The following PDE6A variants were observed in gnomAD, a reference collection of about 807,000 sequenced individuals.
The protein encoded by PDE6A is phosphodiesterase 6A, also known as rod cGMP-specific 3',5'-cyclic phosphodiesterase subunit alpha.
A neutral mutation model predicts 106.3 loss-of-function variants in PDE6A; 84 were observed. The ratio of observed to expected loss-of-function variants is 0.79; its 90% confidence interval spans 0.66 to 0.95. The LOEUF (loss-of-function observed/expected upper bound fraction) is 0.95. PDE6A is among the 40% of genes least tolerant of loss of function. The pLI is 0.00. For missense variants in PDE6A, 1,052 were observed against 1,084.9 expected, an observed-to-expected ratio of 0.97 and a Z score of 0.43; for synonymous variants, 394 against 386.6, an observed-to-expected ratio of 1.02 and a Z score of -0.23.
chr5:149,867,240 C>T lies in PDE6A; in HGVS notation c.2274+485G>A, dbSNP rs77076712. ...TGCTCTTCCGATCTCCCCAACTGCG[C>T]ATCTCCATGGGAAGCTGGCTGACTG... On this transcript the variant is annotated intron_variant, in intron 19 of 21. Transcript: ENST00000255266. The T allele has an allele frequency of 2.8e-3, 600 of 215,698 alleles. 4 individuals carry two copies. Among genetic ancestry groups the T allele is most frequent in the African/African-American group, 0.013 (575 of 44,084 alleles). 13.4% of individuals were successfully genotyped at this position (215,698 alleles called of 1,614,324 possible).
rs200568837 is a variant in PDE6A at position 149,896,801 on chromosome 5, G to GA, written c.1408-26dup. ...TCTGCCAGGACCCAAAATGGCAGGGGAAAAAAAATAGGTTACAACATGCCT... is the reference window on the plus strand; with the variant it reads ...TCTGCCAGGACCCAAAATGGCAGGGGAAAAAAAAATAGGTTACAACATGCCT... On this transcript the variant is annotated intron_variant, in intron 10 of 21. Transcript: ENST00000255266. The GA allele has an allele frequency of 3.1e-4, 492 of 1,609,594 alleles. No homozygotes were observed. The African/African-American group carries it at 5.5e-3, about 18-fold the overall frequency.
Position 149,931,144 on chromosome 5 carries a change from C to T in PDE6A, c.742G>A (p.Val248Ile), listed in dbSNP as rs982107290. 6.8e-6 allele frequency: 11 copies of T among 1,614,142 alleles called. No individual in the cohort carries two copies. The highest frequency in any genetic ancestry group is 9.3e-6 in the Non-Finnish European group (11 of 1,180,020). Residue 248 changes from valine (V) to isoleucine (I), a missense_variant, in exon 4 of 22, where the codon GTC becomes ATC. By Grantham distance (29) the Val-to-Ile change is conservative (BLOSUM62 3). Around this residue, in one of 3 missense-constraint regions of PDE6A, gnomAD observed 913 missense variants for 915.2 expected, o/e 1.00. Coordinates refer to ENST00000255266, the MANE Select transcript of PDE6A (RefSeq NM_000440.3). ...TCGATGTCCGTAAGTTCTTCAAAGA[C>T]TTTGCTCCCAGACCACAGCAGTATC... ...GQILLWSGSK[V>I]FEELTDIERQ...
intron 4 of PDE6A, among the ~76,000 whole-genome samples, chr5:149,929,785 G>A (rs71586147): frequency 1.2e-3 from 177 of 152,104 alleles, no homozygotes; most frequent in Non-Finnish European, 2.0e-3. Flanking sequence ...AAGGTATGAA[G>A]GAGGCTGCTG....
chr5:149,934,436 G>T, intron 2 of PDE6A, 130 bp downstream of exon 2: 1 of 887,288 alleles, frequency 1.1e-6, no homozygotes, highest in Non-Finnish European at 1.9e-6. Context: ...CTCCCTCAGA[G>T]AACATCAGGT....
intron 9 of PDE6A, 54 bp downstream of exon 9, chr5:149,899,321 C>A (rs1752876591): frequency 6.3e-7 from 1 of 1,595,588 alleles, no homozygotes; most frequent in Non-Finnish European, 8.6e-7. Context: ...CCCAGCCTCC[C>A]CCAGCAAGCT....
At chr5:149,865,239 CAAAA>C (rs368494356) in intron 20 of PDE6A, among the ~76,000 whole-genome samples, 7 of 105,554 alleles carry the variant, frequency 6.6e-5, no homozygotes, top group African/African-American at 2.4e-4. Context: ...GATTCTGTCT[CAAAA>C]AAAAAAAAAA....
At position 149,895,193 on chromosome 5, in the gene PDE6A, G is replaced by A; in HGVS notation, c.1718C>T (p.Ser573Phe). Reference protein sequence around the residue: ...HGFNVGQTMFSLLVTGKLKRY... With the variant: ...HGFNVGQTMFFLLVTGKLKRY... ...CCGGCCCCGCCATACCACCAGCAGG[G>A]AGAACATGGTCTGCCCCACGTTGAA... Residue 573 changes from serine to phenylalanine, a missense_variant, in exon 13 of 22, where the codon TCC becomes TTC. By Grantham distance (155) the Ser-to-Phe change is radical. This residue lies in a region of PDE6A where 913 missense variants were observed against 915.2 expected (regional missense o/e 1.00). Transcript: ENST00000255266. 1.2e-6 allele frequency: 2 copies of A among 1,612,350 alleles called. No individual in the cohort carries two copies. Among genetic ancestry groups the A allele is most frequent in the African/African-American group, 1.3e-5 (1 of 75,010 alleles).
intron 7 of PDE6A, among the ~76,000 whole-genome samples, chr5:149,904,435 T>G (rs1359892612): frequency 6.6e-6 from 1 of 152,180 alleles, no homozygotes; most frequent in East Asian, 1.9e-4. Flanking sequence ...GACACTTATC[T>G]GATCTCCCCA....
intron 4 of PDE6A, among the ~76,000 whole-genome samples, chr5:149,923,963 T>A (rs1013647128): frequency 1.3e-5 from 2 of 152,190 alleles, no homozygotes; most frequent in African/African-American, 4.8e-5. Flanking sequence ...GGAAGCCACA[T>A]GAAATGCAGA....
chr5:149,886,170 A>G (rs1752290773), intron 14 of PDE6A, 95 bp downstream of exon 14: 1 of 926,458 alleles, frequency 1.1e-6, no homozygotes, highest in South Asian at 1.3e-5. Flanking sequence ...TGTGGACCAC[A>G]AGACTTCCCT....
intron 17 of PDE6A, among the ~76,000 whole-genome samples, chr5:149,876,101 T>C (rs1165371898): frequency 6.6e-6 from 1 of 152,196 alleles, no homozygotes; most frequent in Non-Finnish European, 1.5e-5. Flanking sequence ...AATTAAAATT[T>C]TTTCTTTGAC....
chr5:149,898,837 C>T (rs1032856372), intron 9 of PDE6A, among the ~76,000 whole-genome samples: 12 of 152,150 alleles, frequency 7.9e-5, no homozygotes, highest in African/African-American at 2.9e-4. Flanking sequence ...TAAAACTACT[C>T]TAAAAAGTAA....
intron 21 of PDE6A, among the ~76,000 whole-genome samples, chr5:149,862,752 C>T (rs565411814): frequency 2.6e-5 from 4 of 152,124 alleles, no homozygotes; most frequent in South Asian, 2.1e-4. Flanking sequence ...AGTGAGACTC[C>T]GGCTCAAAAA....
At chr5:149,920,950 G>GAA (rs1456009712) in intron 5 of PDE6A, among the ~76,000 whole-genome samples, 2 of 116,128 alleles carry the variant, frequency 1.7e-5, no homozygotes, top group Admixed American at 8.8e-5. Flanking sequence ...GAAAAAGAAA[G>GAA]AAAGAAAGAA....
intron 6 of PDE6A, among the ~76,000 whole-genome samples, 170 bp from the exon 7 acceptor site, chr5:149,907,548 T>A (rs554538771): frequency 8.5e-5 from 13 of 152,304 alleles, no homozygotes; most frequent in African/African-American, 2.6e-4. Context: ...AATGTTCAAA[T>A]CTAGACATGG....
chr5:149,867,652 A>T (rs1011158442), intron 19 of PDE6A, 73 bp downstream of exon 19: 32 of 1,290,448 alleles, frequency 2.5e-5, no homozygotes, highest in Non-Finnish European at 3.6e-5. Context: ...TCTCTCCATC[A>T]TGGCGAGGTC....
At chr5:149,901,034 G>A (rs1194703281) in intron 8 of PDE6A, among the ~76,000 whole-genome samples, 1 of 152,078 alleles carries the variant, frequency 6.6e-6, no homozygotes, top group Non-Finnish European at 1.5e-5. Context: ...TCCTGTCTCA[G>A]CCTCCCAAGT....
chr5:149,908,891 T>C (rs536476759), intron 6 of PDE6A, among the ~76,000 whole-genome samples: 3 of 152,158 alleles, frequency 2.0e-5, no homozygotes, highest in Non-Finnish European at 4.4e-5. Context: ...CTAAGTAGAA[T>C]TCACCTGTGA....
intron 6 of PDE6A, among the ~76,000 whole-genome samples, chr5:149,910,603 G>A (rs1050674104): frequency 6.6e-6 from 1 of 151,964 alleles, no homozygotes; most frequent in African/African-American, 2.4e-5. Flanking sequence ...TATTTTACAT[G>A]GCAATTGAAT....
Sources: gnomAD v4.1 joint callset for allele counts (sites outside exome capture counted in the v4.1 genomes callset) on GRCh38, gnomAD v4.1.1 for gene constraint, gnomAD v4.1.1 regional missense constraint, MANE v1.5 for transcripts, NCBI Gene and HGNC (gene_info 2026-07-23, HGNC 2026-07-21) for gene names.